Variants in PHYH observed in about 807,000 individuals in gnomAD.
PHYH encodes the protein phytanoyl-CoA 2-hydroxylase.
Under a neutral mutation model 38.5 loss-of-function variants are expected in PHYH, and 32 were observed. The observed-to-expected ratio is 0.83, with a 90% CI of 0.63 to 1.12. PHYH has a LOEUF of 1.12. Among genes scored for constraint, PHYH ranks in the 50% most tolerant of loss-of-function variants. The pLI is 0.00. For missense variants in PHYH, 426 were observed against 434.8 expected (o/e 0.98, Z 0.18); for synonymous variants, 166 against 157.9 (o/e 1.05, Z -0.38).
At chr10:13,280,885 T>C (rs1835393629) in intron 8 of PHYH, 91 bp downstream of exon 8, 7 of 1,223,112 alleles carry the variant, frequency 5.7e-6, no homozygotes, top group Non-Finnish European at 7.3e-6. Context: ...AAGCACTATA[T>C]ACTGTCAAAT....
chr10:13,284,727 A>G (rs965434397), intron 6 of PHYH, among the ~76,000 whole-genome samples: 1 of 152,222 alleles, frequency 6.6e-6, no homozygotes, highest in Non-Finnish European at 1.5e-5. Context: ...TTCCCAAATT[A>G]GTTGCTACTT....
chr10:13,278,401 G>T (rs1215684387), intron 8 of PHYH, 47 bp from the exon 9 acceptor site: 11 of 1,316,894 alleles, frequency 8.4e-6, no homozygotes, highest in Admixed American at 1.7e-5. Context: ...ACTTCAATCT[G>T]CCCTCCATTA....
At chr10:13,296,935 C>A (rs1328437366) in intron 2 of PHYH, among the ~76,000 whole-genome samples, 1 of 151,656 alleles carries the variant, frequency 6.6e-6, no homozygotes. Context: ...GCCTGGGCGA[C>A]AGAGCCAGAC....
rs773050136 is a variant in PHYH, at chr10:13,288,494, G to C, written c.544C>G (p.Pro182Ala). The change falls in exon 6 of 9, where the codon CCC becomes GCC. Residue 182 changes from proline (P) to alanine (A), a missense_variant. Coordinates refer to ENST00000263038, the MANE Select transcript of PHYH (RefSeq NM_006214.4). Reference sequence around the variant, plus strand: ...ACGATGAGATCGCTGGGCCTGAAGGGGAAATAGTGCAGGTCCTGGTGCAGG... The same window carrying C: ...ACGATGAGATCGCTGGGCCTGAAGGCGAAATAGTGCAGGTCCTGGTGCAGG... ...HPLHQDLHYFPFRPSDLIVCA... is the reference protein window; with the variant it reads ...HPLHQDLHYFAFRPSDLIVCA... 18 of 1,614,074 alleles carry C rather than the reference G, an allele frequency of 1.1e-5. No individual in the cohort carries two copies. Among genetic ancestry groups the C allele is most frequent in the Non-Finnish European group, 1.5e-5 (18 of 1,180,042 alleles).
At chr10:13,283,351 G>A (rs1444047772) in intron 7 of PHYH, among the ~76,000 whole-genome samples, 1 of 151,792 alleles carries the variant, frequency 6.6e-6, no homozygotes. Context: ...GGATAGTCTC[G>A]ATCTCCTGAC....
At chr10:13,286,934 A>C (rs764935427) in intron 6 of PHYH, among the ~76,000 whole-genome samples, 11 of 152,218 alleles carry the variant, frequency 7.2e-5, no homozygotes, top group Non-Finnish European at 1.5e-4. Context: ...TGATGATTTC[A>C]CAGGTATGTG....
chr10:13,294,830 T>C (rs1835802916), intron 3 of PHYH: 1 of 537,096 alleles, frequency 1.9e-6, no homozygotes, highest in Admixed American at 3.1e-5. Context: ...CTTTTTATAA[T>C]TTGGTTACAT....
At chr10:13,285,693 C>T (rs1564422448) in intron 6 of PHYH, among the ~76,000 whole-genome samples, 1 of 151,438 alleles carries the variant, frequency 6.6e-6, no homozygotes, top group African/African-American at 2.4e-5. Flanking sequence ...CAAACTCCAC[C>T]TCCTGGGTTC....
intron 7 of PHYH, among the ~76,000 whole-genome samples, 182 bp from the exon 8 acceptor site, chr10:13,281,292 T>C (rs1828199593): frequency 6.6e-6 from 1 of 152,188 alleles, no homozygotes; most frequent in Non-Finnish European, 1.5e-5. Flanking sequence ...TGTTTCCAGC[T>C]AGAAGTTAAT....
At chr10:13,292,042 A>T (rs1008676104) in intron 4 of PHYH, 130 bp from the exon 5 acceptor site, 10 of 697,132 alleles carry the variant, frequency 1.4e-5, no homozygotes, top group Non-Finnish European at 2.3e-5. Flanking sequence ...GCGGTATTTC[A>T]CAACATTGCA....
At chr10:13,293,504 G>C (rs1026963653) in intron 4 of PHYH, among the ~76,000 whole-genome samples, 4 of 152,060 alleles carry the variant, frequency 2.6e-5, no homozygotes, top group Non-Finnish European at 5.9e-5. Context: ...GTTTCACCAT[G>C]TGTCTCAGGC....
chr10:13,281,542 T>C (rs767868901), intron 7 of PHYH, among the ~76,000 whole-genome samples: 1 of 152,142 alleles, frequency 6.6e-6, no homozygotes, highest in Non-Finnish European at 1.5e-5. Flanking sequence ...GGCAATAGAT[T>C]ATGAAAAGAA....
At chr10:13,286,122 G>A (rs1835542832) in intron 6 of PHYH, among the ~76,000 whole-genome samples, 1 of 151,996 alleles carries the variant, frequency 6.6e-6, no homozygotes, top group African/African-American at 2.4e-5. Flanking sequence ...GTGTTGCCCA[G>A]GCTGGTCCTG....
intron 8 of PHYH, among the ~76,000 whole-genome samples, chr10:13,280,158 G>A (rs1029649407): frequency 1.4e-4 from 21 of 152,144 alleles, no homozygotes; most frequent in Admixed American, 7.9e-4. Context: ...TAGTAGAGAC[G>A]GGGTTTCACC....
chr10:13,288,276 T>G, intron 6 of PHYH, 84 bp downstream of exon 6: 1 of 1,213,562 alleles, frequency 8.2e-7, no homozygotes, highest in Non-Finnish European at 1.2e-6. Context: ...TGCCATCTCA[T>G]TTGTAAACTC....
chr10:13,278,329 A>G lies in PHYH; in HGVS notation c.989T>C (p.Leu330Pro). The G allele has an allele frequency of 6.2e-7, 1 of 1,613,100 alleles. No homozygotes were observed. ...LKDIWMFRAR[L>P]VKGERTNL ...AAGATTGGTTCTTTCTCCTTTCACAAGTCGAGCTCGAAACATCCAAATATC... is the reference window on the plus strand; with the variant it reads ...AAGATTGGTTCTTTCTCCTTTCACAGGTCGAGCTCGAAACATCCAAATATC... The change falls in exon 9 of 9, where the codon CTT becomes CCT. Residue 330 changes from leucine to proline, a missense_variant. Coordinates refer to ENST00000263038, the MANE Select transcript of PHYH (RefSeq NM_006214.4).
chr10:13,294,436 G>A lies in PHYH; in HGVS notation c.406C>T (p.Leu136Phe). The A allele has an allele frequency of 6.2e-7, 1 of 1,614,014 alleles. No homozygotes were observed. The highest frequency in any genetic ancestry group is 1.3e-5 in the African/African-American group (1 of 75,010). ...EDKELFRYCT[L>F]PEILKYVECF... Reference sequence around the variant, plus strand: ...CAAGGGTGGTCTCTGACCTCGGGGAGAGTGCAGTATCTGAAGAGCTCCTTA... The same window carrying A: ...CAAGGGTGGTCTCTGACCTCGGGGAAAGTGCAGTATCTGAAGAGCTCCTTA... Residue 136 changes from leucine to phenylalanine, a missense_variant, in exon 4 of 9, where the codon CTC becomes TTC. Physicochemically the swap from Leu to Phe is conservative, Grantham distance 22 (BLOSUM62 0). Coordinates refer to ENST00000263038, the MANE Select transcript of PHYH (RefSeq NM_006214.4).
intron 7 of PHYH, among the ~76,000 whole-genome samples, chr10:13,282,225 T>G (rs746949488): frequency 2.6e-5 from 4 of 152,212 alleles, no homozygotes; most frequent in Admixed American, 2.0e-4. Flanking sequence ...CACTCCAGCC[T>G]GGGCAAAAGA....
chr10:13,294,044 A>C (rs1193415448), intron 4 of PHYH, among the ~76,000 whole-genome samples: 1 of 151,946 alleles, frequency 6.6e-6, no homozygotes, highest in Non-Finnish European at 1.5e-5. Context: ...TCTACTAAAA[A>C]TACAAAAATT....
Sources: allele counts gnomAD v4.1 joint callset (sites outside exome capture counted in the v4.1 genomes callset), GRCh38; gene constraint gnomAD v4.1.1; transcripts MANE v1.5; gene names NCBI Gene and HGNC (gene_info 2026-07-23, HGNC 2026-07-21).